The following CRB1 variants were observed in gnomAD, a reference collection of about 807,000 sequenced individuals.
CRB1 encodes protein crumbs homolog 1.
A neutral mutation model predicts 120.0 loss-of-function variants in CRB1; 83 were observed. That is an observed-to-expected ratio of 0.69 (90% CI 0.58 to 0.83). The LOEUF (loss-of-function observed/expected upper bound fraction) is 0.83, where lower values mean the gene tolerates loss of function less well. CRB1 is among the 40% of genes least tolerant of loss of function. The pLI is 0.00. For synonymous variants in CRB1, 625 were observed against 612.5 expected (o/e 1.02, Z -0.30); for missense variants, 1,699 against 1,687.6 (o/e 1.01, Z -0.12).
At chr1:197,316,521 A>G (rs935030674) in intron 1 of CRB1, among the ~76,000 whole-genome samples, 1 of 152,232 alleles carries the variant, frequency 6.6e-6, no homozygotes, top group Non-Finnish European at 1.5e-5. Context: ...TAAGAACCAA[A>G]GCACCATAAA....
chr1:197,402,106 C>T (rs191786714), intron 5 of CRB1, among the ~76,000 whole-genome samples: 108 of 152,124 alleles, frequency 7.1e-4, no homozygotes, highest in Middle Eastern at 6.8e-3. Context: ...CAGTTAAACT[C>T]GTGTCACAGG....
chr1:197,229,566 C>T, the CRB1 span, among the ~76,000 whole-genome samples: 3 of 152,160 alleles, frequency 2.0e-5, no homozygotes, highest in Non-Finnish European at 4.4e-5. Flanking sequence ...AGGTAGTGAG[C>T]ATAGTGCCCA....
At chr1:197,394,129 G>A (rs1662651502) in intron 5 of CRB1, among the ~76,000 whole-genome samples, 2 of 151,946 alleles carry the variant, frequency 1.3e-5, no homozygotes, top group African/African-American at 4.8e-5. Context: ...TCTTTTGCCT[G>A]TGCCATGCTG....
In CRB1 at chr1:197,317,301, C is replaced by G. The variant is rs1354952470; in HGVS notation, c.71-11121C>G. 1.3e-5 allele frequency among the ~76,000 whole-genome samples: 2 copies of G among 152,062 alleles called. 1 individual carries two copies. The highest frequency in any genetic ancestry group is 2.9e-5 in the Non-Finnish European group (2 of 68,012). On this transcript the variant is annotated intron_variant, in intron 1 of 11. Coordinates refer to ENST00000367400, the MANE Select transcript of CRB1 (RefSeq NM_201253.3). ...GGTGTGGTGGCACATGCCTGTAATC[C>G]CAGCTACTGGGGAGGCTGAGGCAGG...
chr1:197,257,144 G>A, the CRB1 span, among the ~76,000 whole-genome samples: 33,718 of 151,766 alleles, frequency 0.22, 4,193 homozygotes, highest in Middle Eastern at 0.29. Context: ...GGGGGGTGCC[G>A]CCGGAGTAAG....
chr1:197,471,912 T>C (rs148273288), intron 11 of CRB1, among the ~76,000 whole-genome samples: 1 of 152,318 alleles, frequency 6.6e-6, no homozygotes, highest in Non-Finnish European at 1.5e-5. Flanking sequence ...CAAGAACTGC[T>C]CTCCAAATTT....
In CRB1 at chr1:197,379,627, A is replaced by C. The variant is rs1007228844; in HGVS notation, c.1171+22614A>C. ...GGCCAAAAAAAAAAAAAAAAAAAAAAAACCATTTTTCTAGCTCATTCAGGA... is the reference window on the plus strand; with the variant it reads ...GGCCAAAAAAAAAAAAAAAAAAAAACAACCATTTTTCTAGCTCATTCAGGA... On this transcript the variant is annotated intron_variant, in intron 5 of 11. Coordinates refer to ENST00000367400, the MANE Select transcript of CRB1 (RefSeq NM_201253.3). Among the ~76,000 whole-genome samples the C allele has an allele frequency of 8.6e-5, 13 of 151,632 alleles. No homozygotes were observed. In the South Asian group the frequency reaches 1.9e-3, roughly 22 times the overall value.
At chr1:197,374,649 A>G (rs1377298406) in intron 5 of CRB1, among the ~76,000 whole-genome samples, 1 of 152,346 alleles carries the variant, frequency 6.6e-6, no homozygotes, top group East Asian at 1.9e-4. Context: ...ACAAGGTTTT[A>G]CATTCAATTT....
intron 5 of CRB1, among the ~76,000 whole-genome samples, chr1:197,417,577 A>T (rs1162016878): frequency 6.6e-6 from 1 of 152,232 alleles, no homozygotes; most frequent in Non-Finnish European, 1.5e-5. Context: ...ATGAGCCGCC[A>T]GTAAAAAGAG....
intron 11 of CRB1, chr1:197,444,425 T>C (rs1433766027): frequency 6.6e-6 from 1 of 152,172 alleles, no homozygotes; most frequent in African/African-American, 2.4e-5. Flanking sequence ...ACAAAAGACA[T>C]GGGGAAAACC....
At position 197,348,533 on chromosome 1, in the gene CRB1, G is replaced by A. The variant is rs149350508; in HGVS notation, c.988+1054G>A. Among the ~76,000 whole-genome samples, 18 of 152,302 alleles carry A rather than the reference G, an allele frequency of 1.2e-4. No homozygotes were observed. In the East Asian group the frequency reaches 3.3e-3, roughly 28 times the overall value. On this transcript the variant is annotated intron_variant, in intron 4 of 11. Coordinates refer to ENST00000367400, the MANE Select transcript of CRB1 (RefSeq NM_201253.3). The stretch of plus-strand genomic sequence containing the variant: ...TCTCTGTCGCCCAGGCTGGAATGCA[G>A]TGGTGTGATCTCCGCTCACTATAAG...
chr1:197,352,820 A>G (rs1325292040), intron 4 of CRB1, among the ~76,000 whole-genome samples: 1 of 152,160 alleles, frequency 6.6e-6, no homozygotes, highest in Non-Finnish European at 1.5e-5. Flanking sequence ...ATGATTTAAC[A>G]TATGATCTCA....
chr1:197,225,335 A>T, the CRB1 span, among the ~76,000 whole-genome samples: 4 of 152,256 alleles, frequency 2.6e-5, no homozygotes, highest in Non-Finnish European at 5.9e-5. Context: ...AAAGATATCC[A>T]TCAAATATGT....
intron 1 of CRB1, among the ~76,000 whole-genome samples, chr1:197,292,095 CA>C (rs575982905): frequency 8.6e-5 from 13 of 151,802 alleles, no homozygotes; most frequent in Non-Finnish European, 1.8e-4. Context: ...GATAGTGACA[CA>C]AAAAACCCTT....
chr1:197,275,630 A>G lies in CRB1; in HGVS notation c.70+7148A>G, dbSNP rs540150010. On this transcript the variant is annotated intron_variant, in intron 1 of 11. Transcript: ENST00000367400. ...ATTTCCTCCTATGTAAATTTGCCCT[A>G]TGAAATTAACTTAGAGTCTGATCAA... is the stretch of plus-strand genomic sequence containing the variant. 1.3e-4 allele frequency among the ~76,000 whole-genome samples: 20 copies of G among 152,104 alleles called. No individual in the cohort carries two copies. In the South Asian group the frequency reaches 3.9e-3, roughly 30 times the overall value.
intron 11 of CRB1, among the ~76,000 whole-genome samples, chr1:197,454,628 T>G (rs141540985): frequency 6.6e-6 from 1 of 152,254 alleles, no homozygotes; most frequent in African/African-American, 2.4e-5. Flanking sequence ...CTAAATTGGT[T>G]GGTTTGTTAA....
chr1:197,468,383 A>C (rs981892813), intron 11 of CRB1, among the ~76,000 whole-genome samples: 1 of 151,516 alleles, frequency 6.6e-6, no homozygotes, highest in African/African-American at 2.4e-5. Context: ...CCAGGATCTA[A>C]TATGCTGTCT....
At chr1:197,326,547 C>T (rs940290589) in intron 1 of CRB1, among the ~76,000 whole-genome samples, 1 of 152,100 alleles carries the variant, frequency 6.6e-6, no homozygotes, top group Non-Finnish European at 1.5e-5. Context: ...AGGAGAATCA[C>T]TTGAGCCTGG....
intron 1 of CRB1, among the ~76,000 whole-genome samples, chr1:197,298,791 A>T (rs1393336442): frequency 1.3e-5 from 2 of 152,124 alleles, no homozygotes; most frequent in Admixed American, 6.6e-5. Context: ...AACAAATGGC[A>T]TTAAAATTTT....
Sources: gnomAD v4.1 joint callset for allele counts (sites outside exome capture counted in the v4.1 genomes callset) on GRCh38, gnomAD v4.1.1 for gene constraint, MANE v1.5 for transcripts, NCBI Gene and HGNC (gene_info 2026-07-23, HGNC 2026-07-21) for gene names.